The following SKP2 variants were observed in gnomAD, a reference collection of about 807,000 sequenced individuals.
SKP2 encodes S-phase kinase-associated protein 2.
SKP2 carries 16 observed loss-of-function variants against 51.8 expected under a neutral mutation model. That is an observed-to-expected ratio of 0.31 (90% CI 0.21 to 0.47). SKP2 has a LOEUF of 0.47. Ranked by LOEUF, SKP2 falls within the 20% of genes least tolerant of loss-of-function variation. SKP2 has a pLI of 1.00. For synonymous variants in SKP2, 176 were observed against 198.6 expected, an observed-to-expected ratio of 0.89 and a Z score of 0.96; for missense variants, 377 against 505.3, an observed-to-expected ratio of 0.75 and a Z score of 2.43.
chr5:36,166,382 A>G (rs2111975602), intron 3 of SKP2, 137 bp from the exon 4 acceptor site: 1 of 687,142 alleles, frequency 1.5e-6, no homozygotes, highest in East Asian at 2.6e-5. Flanking sequence ...TTGTATAGCC[A>G]ACTTAAAAAC....
At chr5:36,171,798 T>A (rs887844224) in intron 7 of SKP2, 65 bp downstream of exon 7, 2 of 1,503,498 alleles carry the variant, frequency 1.3e-6, no homozygotes, top group Non-Finnish European at 9.2e-7. Flanking sequence ...TCATTGAGCT[T>A]CTCCTAATCA....
intron 2 of SKP2, among the ~76,000 whole-genome samples, chr5:36,162,667 T>A (rs1745159302): frequency 6.6e-6 from 1 of 152,234 alleles, no homozygotes; most frequent in Non-Finnish European, 1.5e-5. Context: ...ATTTGTTGAA[T>A]TAAGAAATGA....
At position 36,184,060 on chromosome 5, in the gene SKP2, T is replaced by A; in HGVS notation, c.*2029T>A. The A allele has an allele frequency of 1.0e-6, 1 of 994,024 alleles. No homozygotes were observed. Among genetic ancestry groups the A allele is most frequent in the Non-Finnish European group, 1.5e-6 (1 of 670,118 alleles). The allele number at this position is 994,024 out of a possible 1,614,324, so 61.6% of individuals were successfully genotyped here. A position where few individuals can be genotyped will look rare whatever the true frequency, so the allele number is the denominator to read the frequency against. ...GCTTAAACTAAGTTGTATTCCTTTT[T>A]TCTTTCTCTTTTTTTAAGTGCTGTG... On this transcript the variant is annotated 3_prime_UTR_variant, in exon 10 of 10. Coordinates refer to ENST00000274255, the MANE Select transcript of SKP2 (RefSeq NM_005983.4).
At chr5:36,191,922 CG>C (rs1432045958) in intron 6 of SKP2, among the ~76,000 whole-genome samples, 2 of 152,058 alleles carry the variant, frequency 1.3e-5, no homozygotes, top group Non-Finnish European at 2.9e-5. Flanking sequence ...TAACTCAAAA[CG>C]TAACTGCTTT....
chr5:36,180,231 TACA>T (rs1470941994), intron 9 of SKP2: 9 of 1,337,378 alleles, frequency 6.7e-6, no homozygotes, highest in Non-Finnish European at 8.9e-6. Flanking sequence ...TCATAGTAAT[TACA>T]ACGTTTCCCA....
At position 36,183,061 on chromosome 5, in the gene SKP2, C is replaced by T. The variant is rs972817947; in HGVS notation, c.*1030C>T. The T allele has an allele frequency of 2.1e-6, 2 of 971,468 alleles. No individual in the cohort carries two copies. Among genetic ancestry groups the T allele is most frequent in the Admixed American group, 6.2e-5 (1 of 16,212 alleles). 60.2% of individuals were successfully genotyped at this position (971,468 alleles called of 1,614,324 possible). On this transcript the variant is annotated 3_prime_UTR_variant, in exon 10 of 10. Coordinates refer to ENST00000274255, the MANE Select transcript of SKP2 (RefSeq NM_005983.4). ...CTATCCATATATAAGGTTATCAGACCTACAGTTCCCTAAGAGGAACTGCAT... is the reference window on the plus strand; with the variant it reads ...CTATCCATATATAAGGTTATCAGACTTACAGTTCCCTAAGAGGAACTGCAT...
chr5:36,170,401 C>T lies in SKP2; in HGVS notation c.729C>T (p.Phe243=). 2 of 1,613,308 alleles carry T rather than the reference C, an allele frequency of 1.2e-6. No homozygotes were observed. Among genetic ancestry groups the T allele is most frequent in the Non-Finnish European group, 1.7e-6 (2 of 1,179,492 alleles). ...VRLNLSGCSG[F]SEFALQTLLS... is the part of the protein sequence containing the mutation. ...TTAACCTTTCTGGGTGTTCTGGATT[C>T]TCTGAATTTGCCCTGCAGACTTTGC... The change falls in exon 6 of 10, where the codon TTC becomes TTT. Residue 243 remains phenylalanine (F), a synonymous_variant. Coordinates refer to ENST00000274255, the MANE Select transcript of SKP2 (RefSeq NM_005983.4).
At chr5:36,186,974 G>C (rs560721993), downstream of SKP2, among the ~76,000 whole-genome samples, 29 of 152,258 alleles carry the variant, frequency 1.9e-4, no homozygotes, top group African/African-American at 6.7e-4. Context: ...AGTCTTGGGA[G>C]GATGTATGTG....
At chr5:36,180,703 CT>C (rs1490928700) in intron 9 of SKP2, among the ~76,000 whole-genome samples, 2 of 152,072 alleles carry the variant, frequency 1.3e-5, no homozygotes, top group Non-Finnish European at 2.9e-5. Flanking sequence ...ATGAGCTAGG[CT>C]TTAGGAGGAT....
At chr5:36,165,927 CAT>C (rs1391444077) in intron 3 of SKP2, among the ~76,000 whole-genome samples, 15 of 152,248 alleles carry the variant, frequency 9.9e-5, no homozygotes, top group African/African-American at 2.9e-4. Context: ...CACATTAGTT[CAT>C]ACACACACAT....
downstream of SKP2, among the ~76,000 whole-genome samples, chr5:36,186,615 A>G (rs1745957941): frequency 6.6e-6 from 1 of 152,142 alleles, no homozygotes; most frequent in South Asian, 2.1e-4. Flanking sequence ...CGTGGTGGAT[A>G]AGCTTTTTGA....
downstream of SKP2, among the ~76,000 whole-genome samples, chr5:36,185,860 C>T (rs562376273): frequency 2.1e-4 from 32 of 152,228 alleles, no homozygotes; most frequent in Non-Finnish European, 2.9e-4. Flanking sequence ...GCCATTTTCA[C>T]GATATTGATT....
At chr5:36,174,688 G>A (rs1745575939) in intron 7 of SKP2, among the ~76,000 whole-genome samples, 1 of 152,086 alleles carries the variant, frequency 6.6e-6, no homozygotes, top group South Asian at 2.1e-4. Context: ...GAGCAAAGCA[G>A]AGTAACCAGA....
intron 7 of SKP2, among the ~76,000 whole-genome samples, chr5:36,173,727 CAGAG>C (rs1341019879): frequency 1.3e-5 from 2 of 152,104 alleles, no homozygotes; most frequent in Non-Finnish European, 2.9e-5. Flanking sequence ...ACATTCAGGA[CAGAG>C]AGACAGACTG....
In SKP2 at chr5:36,168,450, G is replaced by A. The variant is rs766641408; in HGVS notation, c.671+3G>A. The A allele has an allele frequency of 3.6e-5, 58 of 1,614,024 alleles. No individual in the cohort carries two copies. In the East Asian group the frequency reaches 1.3e-3, roughly 35 times the overall value. On this transcript the variant is annotated splice_donor_region_variant and intron_variant, in intron 5 of 9. Coordinates refer to ENST00000274255, the MANE Select transcript of SKP2 (RefSeq NM_005983.4). Reference sequence around the variant, plus strand: ...CGGCTTTCGGATCCCATTGTCAAGTGAGTGGCAGGCAGAGTGTCACAAAGG... The same window carrying A: ...CGGCTTTCGGATCCCATTGTCAAGTAAGTGGCAGGCAGAGTGTCACAAAGG...
intron 3 of SKP2, 135 bp from the exon 4 acceptor site, chr5:36,166,384 C>T (rs1745289447): frequency 2.8e-6 from 2 of 721,022 alleles, no homozygotes; most frequent in Admixed American, 2.6e-5. Context: ...GTATAGCCAA[C>T]TTAAAAACAA....
Position 36,152,794 on chromosome 5 carries a change from A to C in SKP2, c.32A>C (p.Asp11Ala), listed in dbSNP as rs770769311. Residue 11 changes from aspartate (D) to alanine (A), a missense_variant, in exon 2 of 10, where the codon GAC (aspartate) becomes GCC (alanine). Coordinates refer to ENST00000274255, the MANE Select transcript of SKP2 (RefSeq NM_005983.4). ...AGGAAGCACCTCCAGGAGATTCCAG[A>C]CCTGAGTAGCAACGTTGCCACCAGC... The part of the protein sequence containing the change: MHRKHLQEIP[D>A]LSSNVATSFT... 1.1e-5 allele frequency: 18 copies of C among 1,613,808 alleles called. No individual in the cohort carries two copies. In the Admixed American group the frequency reaches 1.2e-4, roughly 10 times the overall value.
intron 2 of SKP2, among the ~76,000 whole-genome samples, chr5:36,162,861 T>A (rs155541): frequency 0.88 from 133,783 of 152,190 alleles, 59,426 homozygotes; most frequent in Non-Finnish European, 0.94. Flanking sequence ...ACGTACAAGC[T>A]TGGTGGAAGG....
chr5:36,168,407 C>A lies in SKP2; in HGVS notation c.631C>A (p.Leu211Ile). ...ILSQCSKLQN[L>I]SLEGLRLSDP... Reference sequence around the variant, plus strand: ...GTCTCAGTGTTCCAAGTTGCAGAATCTAAGCCTGGAAGGCCTGCGGCTTTC... The same window carrying A: ...GTCTCAGTGTTCCAAGTTGCAGAATATAAGCCTGGAAGGCCTGCGGCTTTC... Residue 211 changes from leucine to isoleucine, a missense_variant, in exon 5 of 10, where the codon CTA becomes ATA. This residue lies in a region of SKP2 where 262 missense variants were observed against 389.8 expected (regional missense o/e 0.67). Transcript: ENST00000274255. 1 of 1,614,212 alleles carries A rather than the reference C, an allele frequency of 6.2e-7. No individual in the cohort carries two copies. The highest frequency in any genetic ancestry group is 8.5e-7 in the Non-Finnish European group (1 of 1,180,012).
Sources: gnomAD v4.1 joint callset for allele counts (sites outside exome capture counted in the v4.1 genomes callset) on GRCh38, gnomAD v4.1.1 for gene constraint, gnomAD v4.1.1 regional missense constraint, MANE v1.5 for transcripts, NCBI Gene and HGNC (gene_info 2026-07-23, HGNC 2026-07-21) for gene names.